Variants in CSMD1 observed in about 807,000 individuals in gnomAD.
CSMD1 encodes the protein CUB and Sushi multiple domains 1, also known as CUB and sushi domain-containing protein 1.
In CSMD1, 213 loss-of-function variants were observed where a neutral mutation model predicts 417.5. The ratio of observed to expected loss-of-function variants is 0.51; its 90% CI spans 0.46 to 0.57. The LOEUF (loss-of-function observed/expected upper bound fraction) is 0.57. Ranked by LOEUF, CSMD1 falls within the 20% of genes least tolerant of loss-of-function variation. The pLI is 0.00. For missense variants in CSMD1, 6,923 were observed against 4,529.7 expected, an observed-to-expected ratio of 1.53 and a Z score of -15.17; for synonymous variants, 2,862 against 1,736.8, an observed-to-expected ratio of 1.65 and a Z score of -16.11.
Position 4,468,021 on chromosome 8 carries a change from C to A in CSMD1, c.303-47956G>T, listed in dbSNP as rs79119565. ...TAGATTTGTGTAGTGATAACCCCAT[C>A]TCTCACATGGGTTACTCAACAGGCC... On this transcript the variant is annotated intron_variant, in intron 2 of 69. Coordinates refer to ENST00000635120, the MANE Select transcript of CSMD1 (RefSeq NM_033225.6). Among the ~76,000 whole-genome samples the A allele has an allele frequency of 2.0e-3, 299 of 152,022 alleles. 1 individual carries two copies. Among genetic ancestry groups the A allele is most frequent in the African/African-American group, 7.0e-3 (290 of 41,334 alleles).
chr8:4,104,880 C>G (rs569190627), intron 3 of CSMD1, among the ~76,000 whole-genome samples: 1 of 152,180 alleles, frequency 6.6e-6, no homozygotes, highest in African/African-American at 2.4e-5. Context: ...ATTACTTTTT[C>G]TTTTGTATCC....
chr8:4,171,549 A>C (rs1039724694), intron 3 of CSMD1, among the ~76,000 whole-genome samples: 1 of 151,848 alleles, frequency 6.6e-6, no homozygotes, highest in African/African-American at 2.4e-5. Flanking sequence ...AATGTACAAT[A>C]ACTACTGGAT....
chr8:3,854,434 T>C (rs969652309), intron 5 of CSMD1, among the ~76,000 whole-genome samples: 6 of 152,108 alleles, frequency 3.9e-5, no homozygotes, highest in African/African-American at 1.4e-4. Context: ...TTTAAGAATA[T>C]CCAAACAGTA....
At chr8:3,898,163 C>A (rs1461519958) in intron 5 of CSMD1, among the ~76,000 whole-genome samples, 1 of 152,102 alleles carries the variant, frequency 6.6e-6, no homozygotes, top group Non-Finnish European at 1.5e-5. Flanking sequence ...CAACTATAAG[C>A]CATCAATCCC....
intron 23 of CSMD1, among the ~76,000 whole-genome samples, chr8:3,316,861 T>C (rs1410115202): frequency 2.0e-5 from 3 of 152,050 alleles, no homozygotes; most frequent in African/African-American, 4.8e-5. Flanking sequence ...TTCAGAGAGA[T>C]AATCAGAAGC....
At chr8:3,839,366 ACT>A (rs542694151) in intron 5 of CSMD1, among the ~76,000 whole-genome samples, 2,139 of 118,184 alleles carry the variant, frequency 0.018, 77 homozygotes, top group African/African-American at 0.067. Flanking sequence ...ATTAATATAT[ACT>A]CTCTCTAGAT....
chr8:4,213,240 G>A (rs1475449128), intron 3 of CSMD1, among the ~76,000 whole-genome samples: 1 of 152,164 alleles, frequency 6.6e-6, no homozygotes, highest in Admixed American at 6.5e-5. Flanking sequence ...CCAGCTGGGT[G>A]GCTCCATTCT....
intron 2 of CSMD1, among the ~76,000 whole-genome samples, chr8:4,587,450 CA>C (rs1563312282): frequency 1.5e-5 from 2 of 135,866 alleles, no homozygotes; most frequent in Admixed American, 7.3e-5. Context: ...TGTATATGTA[CA>C]TATATATGTA....
intron 2 of CSMD1, among the ~76,000 whole-genome samples, chr8:4,550,413 G>T (rs1331836164): frequency 6.6e-6 from 1 of 150,898 alleles, no homozygotes; most frequent in Non-Finnish European, 1.5e-5. Context: ...TAGCTTAGAT[G>T]ACTCATTTCT....
intron 23 of CSMD1, among the ~76,000 whole-genome samples, chr8:3,319,102 G>A (rs992683510): frequency 6.6e-6 from 1 of 152,060 alleles, no homozygotes; most frequent in African/African-American, 2.4e-5. Context: ...TATGTGTCTT[G>A]CATCCAGATA....
At chr8:4,608,209 G>A (rs1013329255) in intron 2 of CSMD1, among the ~76,000 whole-genome samples, 1 of 152,164 alleles carries the variant, frequency 6.6e-6, no homozygotes, top group Non-Finnish European at 1.5e-5. Context: ...CTCCAAAGGG[G>A]TGGAAATCCA....
intron 3 of CSMD1, among the ~76,000 whole-genome samples, chr8:4,202,509 T>C (rs768582923): frequency 1.1e-4 from 16 of 152,222 alleles, no homozygotes; most frequent in African/African-American, 3.9e-4. Flanking sequence ...AAATTTGCAC[T>C]TTTATACTTA....
At chr8:4,731,160 G>A (rs921142312) in intron 1 of CSMD1, among the ~76,000 whole-genome samples, 3 of 152,138 alleles carry the variant, frequency 2.0e-5, no homozygotes, top group South Asian at 2.1e-4. Context: ...TTAACTTTCC[G>A]AGCTGTAACT....
chr8:4,915,343 T>C (rs559057401), intron 1 of CSMD1, among the ~76,000 whole-genome samples: 1 of 152,176 alleles, frequency 6.6e-6, no homozygotes, highest in Non-Finnish European at 1.5e-5. Context: ...AAGCTAACTC[T>C]TGCTAAAGTA....
intron 10 of CSMD1, among the ~76,000 whole-genome samples, chr8:3,516,453 G>C (rs1287751303): frequency 6.6e-6 from 1 of 152,172 alleles, no homozygotes; most frequent in Non-Finnish European, 1.5e-5. Context: ...GGTTGAGTGA[G>C]TCATTGGAGT....
intron 1 of CSMD1, among the ~76,000 whole-genome samples, chr8:4,661,622 G>C (rs1804612894): frequency 6.6e-6 from 1 of 152,100 alleles, no homozygotes; most frequent in African/African-American, 2.4e-5. Context: ...TTTGCAAGAT[G>C]TTACCGTAAG....
intron 5 of CSMD1, among the ~76,000 whole-genome samples, chr8:3,891,030 G>T (rs1806935124): frequency 6.6e-6 from 1 of 151,388 alleles, no homozygotes; most frequent in Non-Finnish European, 1.5e-5. Context: ...TAATTGAGCA[G>T]CTTTTTTGTT....
At chr8:4,696,248 T>A (rs941417551) in intron 1 of CSMD1, among the ~76,000 whole-genome samples, 1 of 152,228 alleles carries the variant, frequency 6.6e-6, no homozygotes, top group Non-Finnish European at 1.5e-5. Context: ...TAGATACACA[T>A]AAGAATTCAA....
intron 53 of CSMD1, 66 bp from the exon 54 acceptor site, chr8:2,998,250 TTAA>T (rs1413523996): frequency 3.3e-6 from 5 of 1,527,358 alleles, no homozygotes; most frequent in South Asian, 1.2e-5. Context: ...CTTGGGATTA[TTAA>T]TAAGAAACAT....
Sources: gnomAD v4.1 joint callset for allele counts (sites outside exome capture counted in the v4.1 genomes callset) on GRCh38, gnomAD v4.1.1 for gene constraint, MANE v1.5 for transcripts, NCBI Gene and HGNC (gene_info 2026-07-23, HGNC 2026-07-21) for gene names.